ANK3: variants seen among roughly 807,000 people sequenced by gnomAD.
ANK3 encodes the protein ankyrin 3, also known as ankyrin-3.
A neutral mutation model predicts 370.9 loss-of-function variants in ANK3; 57 were observed. The observed-to-expected ratio is 0.15, with a 90% confidence interval of 0.12 to 0.19. ANK3 has a LOEUF of 0.19. ANK3 is among the 10% of genes least tolerant of loss of function. The pLI is 1.00. For missense variants in ANK3, 4,439 were observed against 5,302.1 expected (o/e 0.84, Z 5.06); for synonymous variants, 1,929 against 1,946.3 (o/e 0.99, Z 0.23).
intron 28 of ANK3, among the ~76,000 whole-genome samples, chr10:60,095,951 A>G (rs889766471): frequency 2.0e-5 from 3 of 152,146 alleles, no homozygotes; most frequent in African/African-American, 7.2e-5. Context: ...GGGTGGGTGG[A>G]TCACCTGAGA....
chr10:60,370,754 T>G (rs909664320), intron 1 of ANK3, among the ~76,000 whole-genome samples: 16 of 152,212 alleles, frequency 1.1e-4, no homozygotes, highest in Non-Finnish European at 2.1e-4. Flanking sequence ...GGTTTCTAAT[T>G]CATCAGCTTG....
chr10:60,498,194 T>G (rs2075708634), intron 2 of ANK3, among the ~76,000 whole-genome samples: 1 of 152,182 alleles, frequency 6.6e-6, no homozygotes, highest in African/African-American at 2.4e-5. Context: ...CAACTGTTCT[T>G]CACATTCTCT....
chr10:60,040,437 TAAACACTACCTGGAAAGTA>T (rs1390019583), intron 43 of ANK3, among the ~76,000 whole-genome samples: 1 of 152,126 alleles, frequency 6.6e-6, no homozygotes, highest in Non-Finnish European at 1.5e-5. Context: ...TTACGGAAGG[TAAACACTACCTGGAAAGTA>T]AAATTAGGCT....
intron 1 of ANK3, among the ~76,000 whole-genome samples, chr10:60,634,848 G>A (rs1283467398): frequency 1.3e-5 from 2 of 151,504 alleles, no homozygotes; most frequent in Non-Finnish European, 2.9e-5. Context: ...AACACTCACC[G>A]CGAAAGTCTG....
intron 24 of ANK3, among the ~76,000 whole-genome samples, chr10:60,135,025 C>G (rs2094271114): frequency 6.6e-6 from 1 of 152,198 alleles, no homozygotes; most frequent in African/African-American, 2.4e-5. Context: ...TTTCCAGCCA[C>G]TGTCAAATCC....
chr10:60,338,551 G>A (rs774428062), intron 1 of ANK3, among the ~76,000 whole-genome samples: 14 of 152,132 alleles, frequency 9.2e-5, no homozygotes, highest in Non-Finnish European at 1.3e-4. Context: ...ATCAGGACAC[G>A]TGCATGGTAT....
At position 60,492,344 on chromosome 10, in the gene ANK3, T is replaced by C. The variant is rs751458358; in HGVS notation, c.96+122842A>G. Reference sequence around the variant, plus strand: ...CAGAGTAAAAGAGTTGTGAGGTCTTTAAAAGGGGATAATGATTGTCCTGAG... The same window carrying C: ...CAGAGTAAAAGAGTTGTGAGGTCTTCAAAAGGGGATAATGATTGTCCTGAG... On this transcript the variant is annotated intron_variant, in intron 2 of 43. Coordinates refer to the ANK3 transcript ENST00000373827. Among the ~76,000 whole-genome samples the C allele has an allele frequency of 1.5e-4, 23 of 152,042 alleles. 1 individual carries two copies. Among genetic ancestry groups the C allele is most frequent in the Non-Finnish European group, 2.6e-4 (18 of 68,006 alleles).
chr10:60,638,875 G>C (rs1241384582), intron 1 of ANK3, among the ~76,000 whole-genome samples: 4 of 151,980 alleles, frequency 2.6e-5, no homozygotes, highest in Non-Finnish European at 5.9e-5. Flanking sequence ...CGTGAACAGA[G>C]TATCAGTGAC....
At chr10:60,444,013 G>A (rs941355050) in intron 2 of ANK3, among the ~76,000 whole-genome samples, 12 of 151,492 alleles carry the variant, frequency 7.9e-5, no homozygotes, top group African/African-American at 2.4e-4. Context: ...CCTCAATGAC[G>A]CTTATGCAGA....
chr10:60,233,939 CT>C (rs1450403453), intron 8 of ANK3, among the ~76,000 whole-genome samples: 2 of 152,164 alleles, frequency 1.3e-5, no homozygotes, highest in Non-Finnish European at 2.9e-5. Flanking sequence ...TACCATACTA[CT>C]TTCTGTTTCC....
chr10:60,073,799 T>G lies in ANK3; in HGVS notation c.7082A>C (p.Tyr2361Ser), dbSNP rs758308584. 1 of 1,613,624 alleles carries G rather than the reference T, an allele frequency of 6.2e-7. No individual in the cohort carries two copies. The highest frequency in any genetic ancestry group is 1.1e-5 in the South Asian group (1 of 91,072). The change falls in exon 37 of 44, where the codon TAT (tyrosine) becomes TCT (serine). Residue 2361 changes from tyrosine (Y) to serine (S), a missense_variant. This residue lies in a region of ANK3 where 1,601 missense variants were observed against 1,731.7 expected (regional missense o/e 0.92). Transcript: ENST00000280772. ...KKHPEKEMYV[Y>S]QKDLSRGDIN... Reference sequence around the variant, plus strand: ...ATCTCCCCGGGATAAGTCTTTCTGATATACATACATTTCTTTTTCTGGATG... The same window carrying G: ...ATCTCCCCGGGATAAGTCTTTCTGAGATACATACATTTCTTTTTCTGGATG...
intron 2 of ANK3, 94 bp from the exon 3 acceptor site, chr10:60,279,242 C>A: frequency 9.3e-7 from 1 of 1,079,672 alleles, no homozygotes; most frequent in Non-Finnish European, 1.4e-6. Flanking sequence ...TAAAGTCCCA[C>A]CTGATGATCA....
chr10:60,279,514 A>T, intron 2 of ANK3, 24 bp downstream of exon 2: 2 of 1,553,946 alleles, frequency 1.3e-6, no homozygotes, highest in Non-Finnish European at 1.7e-6. Flanking sequence ...TTAAGTAAAA[A>T]ATTCAATAAT....
At chr10:60,524,218 G>A (rs1007419489) in intron 2 of ANK3, among the ~76,000 whole-genome samples, 3 of 152,218 alleles carry the variant, frequency 2.0e-5, no homozygotes, top group Admixed American at 1.3e-4. Context: ...AAAAGGTCTT[G>A]GGGATTTTAA....
intron 1 of ANK3, among the ~76,000 whole-genome samples, chr10:60,370,107 C>T (rs1032103477): frequency 6.6e-6 from 1 of 152,126 alleles, no homozygotes; most frequent in Admixed American, 6.5e-5. Context: ...AAACTTTAAA[C>T]AATCTTTCAA....
chr10:60,407,999 C>T (rs539289933), intron 2 of ANK3, among the ~76,000 whole-genome samples: 3 of 152,346 alleles, frequency 2.0e-5, no homozygotes, highest in South Asian at 4.1e-4. Flanking sequence ...CTTTTGCTGA[C>T]TTGCCCCTAC....
intron 2 of ANK3, among the ~76,000 whole-genome samples, chr10:60,608,857 A>G (rs901636832): frequency 1.3e-5 from 2 of 152,148 alleles, no homozygotes; most frequent in African/African-American, 4.8e-5. Flanking sequence ...AGTCAGGGAG[A>G]TGGGCATAGG....
intron 7 of ANK3, among the ~76,000 whole-genome samples, chr10:60,235,649 C>T (rs530566133): frequency 3.4e-4 from 51 of 150,970 alleles, no homozygotes; most frequent in Non-Finnish European, 6.9e-4. Flanking sequence ...GATCCTCTCG[C>T]CTCAGCCTCC....
intron 1 of ANK3, among the ~76,000 whole-genome samples, chr10:60,618,820 C>A (rs1488280775): frequency 2.6e-5 from 4 of 152,068 alleles, no homozygotes; most frequent in African/African-American, 9.7e-5. Flanking sequence ...TACAGCTCAC[C>A]ACATTATGGA....
Sources: gnomAD v4.1 joint callset for allele counts (sites outside exome capture counted in the v4.1 genomes callset) on GRCh38, gnomAD v4.1.1 for gene constraint, gnomAD v4.1.1 regional missense constraint, MANE v1.5 for transcripts, NCBI Gene and HGNC (gene_info 2026-07-23, HGNC 2026-07-21) for gene names.